Variants in RHBDD1 observed in about 807,000 individuals in gnomAD.
RHBDD1 encodes the protein rhomboid-related protein 4.
RHBDD1 carries 38 observed loss-of-function variants against 36.3 expected under a neutral mutation model. The ratio of observed to expected loss-of-function variants is 1.05; its 90% CI spans 0.81 to 1.37. The LOEUF is 1.37. Among genes scored for constraint, RHBDD1 ranks in the 40% most tolerant of loss-of-function variants. RHBDD1 has a pLI of 0.00. For synonymous variants in RHBDD1, 151 were observed against 136.5 expected, an observed-to-expected ratio of 1.11 and a Z score of -0.74; for missense variants, 393 against 377.6, an observed-to-expected ratio of 1.04 and a Z score of -0.34.
In RHBDD1 at chr2:226,877,612, G is replaced by T. The variant is rs913318235; in HGVS notation, c.566+10294G>T. Among the ~76,000 whole-genome samples the T allele has an allele frequency of 2.6e-5, 4 of 151,082 alleles. No individual in the cohort carries two copies. In the South Asian group the frequency reaches 8.4e-4, roughly 32 times the overall value. On this transcript the variant is annotated intron_variant, in intron 5 of 8. Coordinates refer to ENST00000392062, the MANE Select transcript of RHBDD1 (RefSeq NM_001167608.3). ...TTTTTCTTTTAAGTAAACATGGCAG[G>T]GGAAAGTGGGGAGGGCCCATGAAAA... is the stretch of plus-strand genomic sequence containing the variant.
intron 5 of RHBDD1, among the ~76,000 whole-genome samples, chr2:226,902,979 T>C (rs151292802): frequency 5.1e-4 from 77 of 152,356 alleles, no homozygotes; most frequent in African/African-American, 1.7e-3. Flanking sequence ...TATGTTATTT[T>C]ATATCATATA....
chr2:226,983,494 A>G (rs918184509), intron 8 of RHBDD1, among the ~76,000 whole-genome samples: 2 of 152,180 alleles, frequency 1.3e-5, no homozygotes, highest in African/African-American at 4.8e-5. Context: ...CTTGTTTTAC[A>G]AGACACATGG....
chr2:226,906,808 G>C lies in RHBDD1; in HGVS notation c.582G>C (p.Gly194=). ...HLFSPGTSFA[G]HLAGILVGLM... is the part of the protein sequence containing the mutation. ...TCCCTCCTAGGACTTCCTTCGCTGG[G>C]CATCTGGCTGGGATTCTTGTTGGAC... Residue 194 remains glycine (G), a synonymous_variant, in exon 6 of 9, where the codon GGG becomes GGC. Coordinates refer to ENST00000392062, the MANE Select transcript of RHBDD1 (RefSeq NM_001167608.3). 1 of 1,614,118 alleles carries C rather than the reference G, an allele frequency of 6.2e-7. No homozygotes were observed. Among genetic ancestry groups the C allele is most frequent in the Non-Finnish European group, 8.5e-7 (1 of 1,179,970 alleles).
intron 8 of RHBDD1, among the ~76,000 whole-genome samples, chr2:226,976,229 T>G (rs1357188988): frequency 6.8e-6 from 1 of 148,020 alleles, no homozygotes; most frequent in Non-Finnish European, 1.5e-5. Flanking sequence ...TTGTCCATTG[T>G]CACTTAAGTC....
intron 8 of RHBDD1, among the ~76,000 whole-genome samples, chr2:226,989,851 A>G (rs893137396): frequency 2.6e-5 from 4 of 152,206 alleles, no homozygotes; most frequent in African/African-American, 4.8e-5. Context: ...CTATTTCACA[A>G]TGCAGGGTGC....
chr2:226,853,628 G>T (rs536705106), intron 3 of RHBDD1, among the ~76,000 whole-genome samples: 1 of 152,186 alleles, frequency 6.6e-6, no homozygotes, highest in Non-Finnish European at 1.5e-5. Flanking sequence ...TGGAATTTCT[G>T]TCTGTCTTTC....
intron 8 of RHBDD1, among the ~76,000 whole-genome samples, chr2:226,972,728 C>T (rs950175878): frequency 2.0e-5 from 3 of 152,188 alleles, no homozygotes; most frequent in Non-Finnish European, 2.9e-5. Flanking sequence ...AGACTGGTCT[C>T]TCGAGTCCAG....
intron 8 of RHBDD1, among the ~76,000 whole-genome samples, chr2:226,927,202 A>G (rs1220240888): frequency 6.6e-6 from 1 of 152,178 alleles, no homozygotes; most frequent in African/African-American, 2.4e-5. Context: ...ATCACACAGT[A>G]TTTAGCTTTG....
upstream of RHBDD1, among the ~76,000 whole-genome samples, chr2:226,832,960 A>G (rs1344517166): frequency 6.6e-6 from 1 of 152,190 alleles, no homozygotes; most frequent in Non-Finnish European, 1.5e-5. Flanking sequence ...GCAGTGAGCC[A>G]AGATTGTGCC....
chr2:226,842,280 G>C (rs1941728048), intron 3 of RHBDD1, among the ~76,000 whole-genome samples: 1 of 152,094 alleles, frequency 6.6e-6, no homozygotes, highest in Admixed American at 6.5e-5. Flanking sequence ...CTGTGCAGAA[G>C]CTCTTTAGTT....
intron 8 of RHBDD1, among the ~76,000 whole-genome samples, chr2:226,963,370 T>G (rs1952369297): frequency 1.3e-5 from 2 of 152,220 alleles, no homozygotes; most frequent in South Asian, 4.1e-4. Context: ...TCTGGTCCTC[T>G]TAGATAGAAA....
intron 3 of RHBDD1, among the ~76,000 whole-genome samples, chr2:226,848,946 A>T (rs1942511615): frequency 2.0e-5 from 3 of 152,214 alleles, no homozygotes; most frequent in Admixed American, 2.0e-4. Context: ...GTTGTATGTC[A>T]CTTTGGCTCG....
chr2:226,823,654 C>T, the RHBDD1 span, among the ~76,000 whole-genome samples: 1 of 152,074 alleles, frequency 6.6e-6, no homozygotes, highest in African/African-American at 2.4e-5. Flanking sequence ...ATAGATACAC[C>T]TATCTTAGTC....
chr2:226,993,822 C>T (rs954887801), intron 8 of RHBDD1, among the ~76,000 whole-genome samples: 1 of 152,198 alleles, frequency 6.6e-6, no homozygotes, highest in Non-Finnish European at 1.5e-5. Flanking sequence ...AGACGGACTC[C>T]GTTTCCCACT....
intron 8 of RHBDD1, among the ~76,000 whole-genome samples, chr2:226,941,537 A>C (rs781683305): frequency 3.9e-5 from 6 of 152,196 alleles, no homozygotes; most frequent in South Asian, 2.1e-4. Flanking sequence ...ATGGGAATTG[A>C]CTTTTCTAGA....
At chr2:226,839,835 G>A (rs4673170) in intron 3 of RHBDD1, among the ~76,000 whole-genome samples, 28,329 of 151,898 alleles carry the variant, frequency 0.19, 4,311 homozygotes, top group African/African-American at 0.42. Context: ...CAGCTGTATC[G>A]CTATTAAAAG....
In RHBDD1 at chr2:226,995,726, T is replaced by C. The variant is rs188118173; in HGVS notation, c.*204T>C. 1.7e-6 allele frequency: 1 copy of C among 586,734 alleles called. No individual in the cohort carries two copies. Among genetic ancestry groups the C allele is most frequent in the Non-Finnish European group, 3.0e-6 (1 of 330,242 alleles). 36.3% of individuals were successfully genotyped at this position (586,734 alleles called of 1,614,324 possible). ...CGGGGAGTGGGCCTTCTCCTGGCCT[T>C]GTTCTTGCTCATAAACAGGTCACTT... On this transcript the variant is annotated 3_prime_UTR_variant, in exon 9 of 9. Coordinates refer to ENST00000392062, the MANE Select transcript of RHBDD1 (RefSeq NM_001167608.3).
the RHBDD1 span, among the ~76,000 whole-genome samples, chr2:226,818,331 T>G: frequency 6.6e-6 from 1 of 150,446 alleles, no homozygotes; most frequent in Admixed American, 6.6e-5. Context: ...GGCTAATTTT[T>G]TTTTTGGTAT....
rs866984868 is a variant in RHBDD1, at chr2:226,846,955, G to A, written c.-91+7328G>A. On this transcript the variant is annotated intron_variant, in intron 3 of 8. Coordinates refer to ENST00000392062, the MANE Select transcript of RHBDD1 (RefSeq NM_001167608.3). Reference sequence around the variant, plus strand: ...TCAGAATTGCAGCTTATGAATTTTTGTCAAGTAGTGGAAGGAGGGTTTTGT... The same window carrying A: ...TCAGAATTGCAGCTTATGAATTTTTATCAAGTAGTGGAAGGAGGGTTTTGT... Among the ~76,000 whole-genome samples the A allele has an allele frequency of 2.0e-5, 3 of 152,160 alleles. No individual in the cohort carries two copies. In the South Asian group the frequency reaches 6.2e-4, roughly 31 times the overall value.
Sources: allele counts gnomAD v4.1 joint callset (sites outside exome capture counted in the v4.1 genomes callset), GRCh38; gene constraint gnomAD v4.1.1; transcripts MANE v1.5; gene names NCBI Gene and HGNC (gene_info 2026-07-23, HGNC 2026-07-21).